Variants in SNTG1 observed in about 807,000 individuals in gnomAD.
The protein encoded by SNTG1 is gamma-1-syntrophin.
Under a neutral mutation model 74.7 loss-of-function variants are expected in SNTG1, and 39 were observed. The ratio of observed to expected loss-of-function variants is 0.52; its 90% CI spans 0.40 to 0.68. The LOEUF (loss-of-function observed/expected upper bound fraction) is 0.68, where lower values mean the gene tolerates loss of function less well. Ranked by LOEUF, SNTG1 falls within the 30% of genes least tolerant of loss-of-function variation. The pLI is 0.00. For missense variants in SNTG1, 685 were observed against 609.5 expected (o/e 1.12, Z -1.30); for synonymous variants, 254 against 217.1 (o/e 1.17, Z -1.49).
chr8:50,139,552 T>C (rs1197150957), intron 1 of SNTG1, among the ~76,000 whole-genome samples: 2 of 152,156 alleles, frequency 1.3e-5, no homozygotes, highest in African/African-American at 4.8e-5. Flanking sequence ...CCCAAATATA[T>C]GCTAAAATAA....
At chr8:50,022,986 A>T (rs1816955242) in intron 1 of SNTG1, among the ~76,000 whole-genome samples, 1 of 152,200 alleles carries the variant, frequency 6.6e-6, no homozygotes, top group Non-Finnish European at 1.5e-5. Flanking sequence ...AAAAACAAAA[A>T]ATGTACAAAC....
At chr8:50,726,981 T>C (rs1424971044) in intron 17 of SNTG1, among the ~76,000 whole-genome samples, 1 of 152,216 alleles carries the variant, frequency 6.6e-6, no homozygotes, top group Non-Finnish European at 1.5e-5. Flanking sequence ...AGATGTTATG[T>C]AGCAGAAATA....
At chr8:50,433,378 A>G (rs921187893) in intron 4 of SNTG1, among the ~76,000 whole-genome samples, 1 of 152,136 alleles carries the variant, frequency 6.6e-6, no homozygotes, top group African/African-American at 2.4e-5. Context: ...CAAGATATTG[A>G]ATGGCAATGG....
chr8:50,089,293 C>T (rs2079620926), intron 1 of SNTG1, among the ~76,000 whole-genome samples: 1 of 151,894 alleles, frequency 6.6e-6, no homozygotes, highest in South Asian at 2.1e-4. Flanking sequence ...GACCTAAAAC[C>T]ATAAAAACCC....
intron 2 of SNTG1, among the ~76,000 whole-genome samples, chr8:50,187,595 C>T (rs558943791): frequency 6.6e-6 from 1 of 152,242 alleles, no homozygotes; most frequent in East Asian, 1.9e-4. Flanking sequence ...CAATATCAAA[C>T]TGCACAAACC....
At chr8:50,148,081 C>A (rs529242629) in intron 1 of SNTG1, among the ~76,000 whole-genome samples, 6 of 152,058 alleles carry the variant, frequency 3.9e-5, no homozygotes, top group African/African-American at 1.4e-4. Flanking sequence ...ACAATTTGAG[C>A]AAAAATATGC....
chr8:50,468,181 A>T (rs1469176852), intron 8 of SNTG1, among the ~76,000 whole-genome samples: 5 of 152,026 alleles, frequency 3.3e-5, no homozygotes, highest in African/African-American at 9.7e-5. Flanking sequence ...CTGTATTTTT[A>T]AAAAACTGCT....
chr8:50,541,243 C>CTGTGTG (rs200129335), intron 11 of SNTG1, among the ~76,000 whole-genome samples: 13,247 of 142,908 alleles, frequency 0.093, 759 homozygotes, highest in African/African-American at 0.17. Context: ...AAGATTTTAC[C>CTGTGTG]TGTGTGTGTG....
chr8:50,442,663 ATTAAT>A (rs1407348991), intron 5 of SNTG1, among the ~76,000 whole-genome samples: 15 of 101,992 alleles, frequency 1.5e-4, no homozygotes, highest in Admixed American at 5.1e-4. Context: ...TTTTCTTTGT[ATTAAT>A]TTGTCTATCA....
At chr8:50,141,009 T>C (rs2081639416) in intron 1 of SNTG1, among the ~76,000 whole-genome samples, 1 of 152,156 alleles carries the variant, frequency 6.6e-6, no homozygotes, top group Non-Finnish European at 1.5e-5. Flanking sequence ...TGATAGAAAT[T>C]CAAATTATTT....
rs139503939 is a variant in SNTG1 at position 50,638,916 on chromosome 8, G to A, written c.850-17993G>A. Among the ~76,000 whole-genome samples the A allele has an allele frequency of 6.9e-3, 1,045 of 152,118 alleles. 17 individuals carry two copies. Among genetic ancestry groups the A allele is most frequent in the African/African-American group, 0.021 (859 of 41,540 alleles). ...TATATGAGCAGATTACATCCAACTA[G>A]ACCCAAAGCTATCACTGTTTTACTT... On this transcript the variant is annotated intron_variant, in intron 13 of 18. Coordinates refer to ENST00000642720, the MANE Select transcript of SNTG1 (RefSeq NM_018967.5).
chr8:50,708,807 G>T lies in SNTG1; in HGVS notation c.1192-79G>T, dbSNP rs183936573. 526 of 857,074 alleles carry T rather than the reference G, an allele frequency of 6.1e-4. 1 individual carries two copies. In the African/African-American group the frequency reaches 7.2e-3, roughly 12 times the overall value. 53.1% of individuals were successfully genotyped at this position (857,074 alleles called of 1,614,324 possible). A position where few individuals can be genotyped will look rare whatever the true frequency, so the allele number is the denominator to read the frequency against. ...TTAGATATTGTATGAAGTACTTATT[G>T]CAGAAGCTGTAACATAGTTCATAAT... On this transcript the variant is annotated intron_variant, in intron 16 of 18. Transcript: ENST00000642720.
At chr8:50,220,813 A>C (rs1487291168) in intron 2 of SNTG1, among the ~76,000 whole-genome samples, 1 of 152,194 alleles carries the variant, frequency 6.6e-6, no homozygotes, top group Non-Finnish European at 1.5e-5. Flanking sequence ...TCTATTTCCC[A>C]ATAAAGATAT....
At chr8:49,922,807 C>T (rs971725355) in intron 1 of SNTG1, among the ~76,000 whole-genome samples, 34 of 151,934 alleles carry the variant, frequency 2.2e-4, no homozygotes, top group African/African-American at 8.0e-4. Flanking sequence ...TATTTTTATC[C>T]TGGTCCTGTT....
At chr8:50,520,332 A>G (rs539924095) in intron 9 of SNTG1, among the ~76,000 whole-genome samples, 1 of 152,244 alleles carries the variant, frequency 6.6e-6, no homozygotes, top group Non-Finnish European at 1.5e-5. Context: ...TAAAACCATA[A>G]AAACCCTTGA....
At chr8:50,518,871 A>G (rs1189126902) in intron 9 of SNTG1, among the ~76,000 whole-genome samples, 1 of 152,208 alleles carries the variant, frequency 6.6e-6, no homozygotes, top group African/African-American at 2.4e-5. Flanking sequence ...ATTCTACCAG[A>G]GGTACCAACA....
At chr8:50,247,692 T>A (rs990872215) in intron 2 of SNTG1, among the ~76,000 whole-genome samples, 23 of 151,414 alleles carry the variant, frequency 1.5e-4, no homozygotes, top group African/African-American at 5.3e-4. Flanking sequence ...TTTTTTTTTT[T>A]AATTTTTATT....
chr8:50,684,633 C>T (rs1366183721), intron 15 of SNTG1, among the ~76,000 whole-genome samples: 1 of 151,458 alleles, frequency 6.6e-6, no homozygotes, highest in East Asian at 1.9e-4. Context: ...TTACATTCTA[C>T]ATATGATCTA....
chr8:49,995,217 A>G (rs1408879298), intron 1 of SNTG1, among the ~76,000 whole-genome samples: 2 of 152,230 alleles, frequency 1.3e-5, no homozygotes, highest in African/African-American at 4.8e-5. Flanking sequence ...AGGCCACTCA[A>G]TGGAGTGTGA....
Sources: gnomAD v4.1 joint callset for allele counts (sites outside exome capture counted in the v4.1 genomes callset) on GRCh38, gnomAD v4.1.1 for gene constraint, MANE v1.5 for transcripts, NCBI Gene and HGNC (gene_info 2026-07-23, HGNC 2026-07-21) for gene names.